OPCML: variants seen among roughly 807,000 people sequenced by gnomAD.
OPCML encodes opioid binding protein/cell adhesion molecule like, also known as opioid-binding protein/cell adhesion molecule.
Under a neutral mutation model 37.8 loss-of-function variants are expected in OPCML, and 13 were observed. That is an observed-to-expected ratio of 0.34 (90% CI 0.22 to 0.55). OPCML has a LOEUF of 0.55. Among genes scored for constraint, OPCML ranks in the 20% least tolerant of loss-of-function variants. The pLI is 0.91. For missense variants in OPCML, 341 were observed against 435.6 expected (o/e 0.78, Z 1.93); for synonymous variants, 176 against 168.8 (o/e 1.04, Z -0.33).
chr11:133,126,597 T>C (rs946526021), intron 1 of OPCML, among the ~76,000 whole-genome samples: 1 of 152,218 alleles, frequency 6.6e-6, no homozygotes, highest in Non-Finnish European at 1.5e-5. Context: ...TAGACATTAT[T>C]AAAGAATGGA....
Position 133,169,498 on chromosome 11 carries a change from GT to G in OPCML, c.62-226489del, listed in dbSNP as rs573608387. ...CAATTATTTCTTTCTCTGGATACAAGTTTTGCTGCTGTAAAATCACTGTTCT... is the reference window on the plus strand; with the variant it reads ...CAATTATTTCTTTCTCTGGATACAAGTTTGCTGCTGTAAAATCACTGTTCT... On this transcript the variant is annotated intron_variant, in intron 1 of 7. Transcript: ENST00000524381. 6.2e-4 allele frequency among the ~76,000 whole-genome samples: 94 copies of G among 152,298 alleles called. 3 individuals carry two copies. In the South Asian group the frequency reaches 0.019, roughly 30 times the overall value.
chr11:132,976,519 T>C (rs1197275036), intron 1 of OPCML, among the ~76,000 whole-genome samples: 1 of 152,212 alleles, frequency 6.6e-6, no homozygotes, highest in Non-Finnish European at 1.5e-5. Flanking sequence ...GAGGTTAGCA[T>C]GTATAGCCGC....
intron 2 of OPCML, among the ~76,000 whole-genome samples, chr11:132,717,164 T>C (rs1944524171): frequency 6.6e-6 from 1 of 152,218 alleles, no homozygotes; most frequent in South Asian, 2.1e-4. Flanking sequence ...AGTTGACATA[T>C]ACACAAGCTA....
chr11:132,499,551 C>A (rs534072143), intron 4 of OPCML, among the ~76,000 whole-genome samples: 1 of 152,304 alleles, frequency 6.6e-6, no homozygotes, highest in African/African-American at 2.4e-5. Flanking sequence ...GGTGATGGAG[C>A]ATCGCAGAGG....
intron 2 of OPCML, among the ~76,000 whole-genome samples, chr11:132,808,949 A>G (rs542184173): frequency 3.3e-5 from 5 of 152,202 alleles, no homozygotes; most frequent in South Asian, 4.2e-4. Flanking sequence ...AAAAGCCCCA[A>G]AAGAAAAGCT....
chr11:132,480,549 C>T (rs1373545091), intron 4 of OPCML, among the ~76,000 whole-genome samples: 3 of 152,110 alleles, frequency 2.0e-5, no homozygotes, highest in Non-Finnish European at 4.4e-5. Context: ...AGAAGAGCAA[C>T]TCCAAGACAC....
At chr11:133,234,700 C>A (rs946526771) in intron 1 of OPCML, among the ~76,000 whole-genome samples, 1 of 152,220 alleles carries the variant, frequency 6.6e-6, no homozygotes, top group Admixed American at 6.5e-5. Flanking sequence ...CCTTCTTCTC[C>A]AAGTTAAACC....
At chr11:132,969,530 C>T (rs908706396) in intron 1 of OPCML, among the ~76,000 whole-genome samples, 1 of 152,054 alleles carries the variant, frequency 6.6e-6, no homozygotes, top group Non-Finnish European at 1.5e-5. Context: ...GTTCTGGGAC[C>T]CCCCCTGCAA....
intron 1 of OPCML, among the ~76,000 whole-genome samples, chr11:133,138,929 T>C (rs766859077): frequency 1.3e-5 from 2 of 152,202 alleles, no homozygotes; most frequent in Non-Finnish European, 2.9e-5. Context: ...GGGTCTTTCA[T>C]TGACATGAAC....
intron 4 of OPCML, among the ~76,000 whole-genome samples, chr11:132,503,964 C>A (rs958918588): frequency 2.0e-5 from 3 of 152,128 alleles, no homozygotes; most frequent in East Asian, 1.9e-4. Flanking sequence ...ATAATGGTAT[C>A]TTTTATGCAC....
At chr11:133,100,863 A>G (rs1321270955) in intron 1 of OPCML, among the ~76,000 whole-genome samples, 1 of 152,244 alleles carries the variant, frequency 6.6e-6, no homozygotes, top group African/African-American at 2.4e-5. Context: ...TAAAACGCCC[A>G]GGAGATAACA....
intron 1 of OPCML, among the ~76,000 whole-genome samples, chr11:132,996,829 T>C (rs1282354221): frequency 6.6e-6 from 1 of 152,132 alleles, no homozygotes; most frequent in Non-Finnish European, 1.5e-5. Flanking sequence ...GACAAGGATG[T>C]CTATTATTTT....
At chr11:132,437,114 T>C in intron 5 of OPCML, 108 bp downstream of exon 5, 1 of 1,494,520 alleles carries the variant, frequency 6.7e-7, no homozygotes, top group Non-Finnish European at 9.0e-7. Context: ...TATTTTCCTG[T>C]TGGCAGGAAC....
intron 1 of OPCML, among the ~76,000 whole-genome samples, chr11:133,489,206 C>T (rs905664419): frequency 1.3e-5 from 2 of 151,716 alleles, no homozygotes; most frequent in Non-Finnish European, 2.9e-5. Context: ...GCAACTTCAG[C>T]AAAGCCAAAA....
intron 1 of OPCML, among the ~76,000 whole-genome samples, chr11:133,003,023 A>C (rs953345408): frequency 4.6e-5 from 7 of 152,186 alleles, no homozygotes; most frequent in Middle Eastern, 3.2e-3. Context: ...TCTTAAGTCC[A>C]ATTTCTTCAT....
chr11:132,849,438 C>G (rs963397264), intron 2 of OPCML, among the ~76,000 whole-genome samples: 1 of 152,162 alleles, frequency 6.6e-6, no homozygotes, highest in Non-Finnish European at 1.5e-5. Flanking sequence ...AAGCTTCTAC[C>G]TTCGTGAAGT....
chr11:132,505,986 CA>C (rs566075034), intron 4 of OPCML, among the ~76,000 whole-genome samples: 288 of 152,162 alleles, frequency 1.9e-3, no homozygotes, highest in Non-Finnish European at 3.4e-3. Context: ...AAAGAATTTT[CA>C]ACCTCACAGA....
intron 1 of OPCML, chr11:133,301,165 G>A (rs963982875): frequency 3.3e-5 from 5 of 152,120 alleles, no homozygotes; most frequent in African/African-American, 9.7e-5. Context: ...TCTCAAAACA[G>A]TTCTAGTTTG....
At chr11:132,725,490 A>T (rs1195504336) in intron 2 of OPCML, among the ~76,000 whole-genome samples, 1 of 152,200 alleles carries the variant, frequency 6.6e-6, no homozygotes, top group African/African-American at 2.4e-5. Flanking sequence ...CATGTGCTGG[A>T]GAACATTTTC....
Sources: gnomAD v4.1 joint callset for allele counts (sites outside exome capture counted in the v4.1 genomes callset) on GRCh38, gnomAD v4.1.1 for gene constraint, MANE v1.5 for transcripts, NCBI Gene and HGNC (gene_info 2026-07-23, HGNC 2026-07-21) for gene names.